MYH15: variants seen among roughly 807,000 people sequenced by gnomAD.
MYH15 encodes the protein myosin heavy chain 15, also known as myosin-15.
A neutral mutation model predicts 240.5 loss-of-function variants in MYH15; 227 were observed. The ratio of observed to expected loss-of-function variants is 0.94; its 90% CI spans 0.85 to 1.05. MYH15 has a LOEUF of 1.05. Among genes scored for constraint, MYH15 ranks in the 50% least tolerant of loss-of-function variants. The pLI is 0.00. For missense variants in MYH15, 2,217 were observed against 2,247.5 expected, an observed-to-expected ratio of 0.99 and a Z score of 0.27; for synonymous variants, 785 against 796.7, an observed-to-expected ratio of 0.99 and a Z score of 0.25.
intron 10 of MYH15, 111 bp downstream of exon 10, chr3:108,486,312 C>A: frequency 1.3e-6 from 1 of 751,556 alleles, no homozygotes; most frequent in Admixed American, 2.5e-5. Context: ...CCCTACACCC[C>A]TACGGAAGCA....
intron 21 of MYH15, among the ~76,000 whole-genome samples, chr3:108,446,221 T>C (rs1172805312): frequency 6.6e-6 from 1 of 152,026 alleles, no homozygotes; most frequent in African/African-American, 2.4e-5. Flanking sequence ...GATCCAGACA[T>C]ACCCTCACTA....
At position 108,473,597 on chromosome 3, in the gene MYH15, C is replaced by G. The variant is rs77535894; in HGVS notation, c.1234-2750G>C. 8.0e-3 allele frequency among the ~76,000 whole-genome samples: 1,214 copies of G among 152,244 alleles called. 22 individuals are homozygous for G. Among genetic ancestry groups the G allele is most frequent in the African/African-American group, 0.028 (1,169 of 41,546 alleles). ...AGCTGTAAAATAGAAATAACAAGACCTACTTCATAGGCTTGTTATTCGATT... is the reference window on the plus strand; with the variant it reads ...AGCTGTAAAATAGAAATAACAAGACGTACTTCATAGGCTTGTTATTCGATT... On this transcript the variant is annotated intron_variant, in intron 12 of 40. Transcript: ENST00000693548.
intron 9 of MYH15, among the ~76,000 whole-genome samples, chr3:108,486,916 G>T (rs960047161): frequency 6.6e-6 from 1 of 152,232 alleles, no homozygotes; most frequent in Non-Finnish European, 1.5e-5. Flanking sequence ...AAAGTATTTT[G>T]TAAAATTATA....
At chr3:108,542,071 C>A in the MYH15 span, among the ~76,000 whole-genome samples, 3 of 152,118 alleles carry the variant, frequency 2.0e-5, no homozygotes, top group East Asian at 5.8e-4. Flanking sequence ...CATGTATCAT[C>A]CTTTTTCTGT....
At chr3:108,464,464 G>T (rs1228737485) in intron 15 of MYH15, among the ~76,000 whole-genome samples, 174 bp downstream of exon 15, 2 of 152,174 alleles carry the variant, frequency 1.3e-5, no homozygotes, top group Admixed American at 6.6e-5. Context: ...GAATGCTATT[G>T]TTCATTTCCT....
At chr3:108,445,167 A>G (rs2082916947) in intron 21 of MYH15, among the ~76,000 whole-genome samples, 1 of 152,258 alleles carries the variant, frequency 6.6e-6, no homozygotes, top group Non-Finnish European at 1.5e-5. Flanking sequence ...AGAGTAAGAC[A>G]TATAGAAGGC....
At position 108,410,842 on chromosome 3, in the gene MYH15, C is replaced by T; in HGVS notation, c.4236G>A (p.Gln1412=). ...GGGCGTCCCCGAGCTCCAGCTGCAG[C>T]TGGTGCCTGGCTCTCTCCAAGGAGG... The part of the protein sequence containing the change: ...RNASLERARH[Q]LQLELGDALS... The change falls in exon 31 of 41, where the codon CAG becomes CAA. Residue 1412 remains glutamine, a synonymous_variant. Transcript: ENST00000693548. The T allele has an allele frequency of 6.2e-7, 1 of 1,614,000 alleles. No individual in the cohort carries two copies. The highest frequency in any genetic ancestry group is 8.5e-7 in the Non-Finnish European group (1 of 1,179,844).
chr3:108,400,688 A>T (rs1037955942), intron 33 of MYH15, among the ~76,000 whole-genome samples: 1 of 152,130 alleles, frequency 6.6e-6, no homozygotes, highest in Non-Finnish European at 1.5e-5. Context: ...ATGTGTCTGT[A>T]GTCCCAGCTA....
the MYH15 span, among the ~76,000 whole-genome samples, chr3:108,548,989 T>C: frequency 6.6e-6 from 1 of 152,102 alleles, no homozygotes. Flanking sequence ...AACAATTTAA[T>C]ATAAACTTTA....
intron 11 of MYH15, among the ~76,000 whole-genome samples, chr3:108,478,024 T>C (rs761271429): frequency 6.6e-6 from 1 of 152,158 alleles, no homozygotes; most frequent in African/African-American, 2.4e-5. Context: ...TGCTAGTATG[T>C]CTGGCATAGT....
At chr3:108,478,795 C>T (rs1182139051) in intron 11 of MYH15, among the ~76,000 whole-genome samples, 4 of 152,026 alleles carry the variant, frequency 2.6e-5, no homozygotes, top group African/African-American at 7.2e-5. Context: ...TTCATATATC[C>T]TTTTTCCAGT....
chr3:108,399,090 A>G lies in MYH15; in HGVS notation c.4914T>C (p.Leu1638=). 1 of 1,613,598 alleles carries G rather than the reference A, an allele frequency of 6.2e-7. No individual in the cohort carries two copies. The highest frequency in any genetic ancestry group is 8.5e-7 in the Non-Finnish European group (1 of 1,179,732). The change falls in exon 34 of 41, where the codon CTT becomes CTC. Residue 1638 remains leucine (L), a synonymous_variant. Transcript: ENST00000693548. ...TTTAAAATACCTTGATTTGAATCTG[A>G]AGCTGGCCCAGGGATTTGGTTGCTT... is the stretch of plus-strand genomic sequence containing the variant. ...VSEATKSLGQ[L]QIQIKDLQMQ...
At chr3:108,422,992 G>A (rs1357027427) in intron 27 of MYH15, among the ~76,000 whole-genome samples, 14 of 152,156 alleles carry the variant, frequency 9.2e-5, no homozygotes, top group Admixed American at 7.2e-4. Context: ...TAAAGATGGG[G>A]TTCTTTGTCC....
chr3:108,384,403 C>T (rs2082365944), intron 39 of MYH15, among the ~76,000 whole-genome samples: 1 of 152,132 alleles, frequency 6.6e-6, no homozygotes, highest in Admixed American at 6.5e-5. Context: ...ACTGGCCTTC[C>T]CTACGTGACA....
At chr3:108,528,971 G>A (rs1214904870) in intron 1 of MYH15, among the ~76,000 whole-genome samples, 2 of 152,146 alleles carry the variant, frequency 1.3e-5, no homozygotes, top group African/African-American at 4.8e-5. Context: ...CATGACCCTT[G>A]GTGTCTGAGA....
chr3:108,391,130 A>G (rs546321388), intron 37 of MYH15, among the ~76,000 whole-genome samples: 1 of 152,322 alleles, frequency 6.6e-6, no homozygotes, highest in African/African-American at 2.4e-5. Flanking sequence ...CTTATTTTTT[A>G]GAGGCCCTTT....
In MYH15 at chr3:108,459,968, C is replaced by T. The variant is rs141374608; in HGVS notation, c.1932+332G>A. Among the ~76,000 whole-genome samples, 140 of 152,166 alleles carry T rather than the reference C, an allele frequency of 9.2e-4. 1 individual carries two copies. The highest frequency in any genetic ancestry group is 2.9e-3 in the African/African-American group (120 of 41,520). Reference sequence around the variant, plus strand: ...CACCAATTGCAGCATAGGTGGTCTCCCTTGAGGCAAGGGAGAGGCTAAAGT... The same window carrying T: ...CACCAATTGCAGCATAGGTGGTCTCTCTTGAGGCAAGGGAGAGGCTAAAGT... On this transcript the variant is annotated intron_variant, in intron 17 of 40. Coordinates refer to ENST00000693548, the MANE Select transcript of MYH15 (RefSeq NM_014981.3).
Position 108,464,700 on chromosome 3 carries a change from T to C in MYH15, c.1669A>G (p.Lys557Glu). ...NHFGKSVHLQ[K>E]PKPDKKKFEA... ...AATTTCTTCTTATCAGGCTTGGGCT[T>C]CTGGAGATGAACCGACTTTCCAAAA... Residue 557 changes from lysine (K) to glutamate (E), a missense_variant, in exon 15 of 41, where the codon AAG (lysine) becomes GAG (glutamate). Transcript: ENST00000693548. 6.2e-7 allele frequency: 1 copy of C among 1,613,966 alleles called. No individual in the cohort carries two copies.
Position 108,383,738 on chromosome 3 carries a change from A to AT in MYH15, c.5632-10dup, listed in dbSNP as rs1553761693. The AT allele has an allele frequency of 2.6e-5, 33 of 1,291,078 alleles. No individual in the cohort carries two copies. The highest frequency in any genetic ancestry group is 5.8e-5 in the South Asian group (4 of 68,762). The allele number at this position is 1,291,078 out of a possible 1,614,324, so 80.0% of individuals were successfully genotyped here. On this transcript the variant is annotated splice_polypyrimidine_tract_variant and intron_variant, in intron 39 of 40. Transcript: ENST00000693548. ...TGATTGGCTTGTGTTTCCTATAAAA[A>AT]TAAAAAAAAAAAAAAAGAAATCTCC...
Sources: gnomAD v4.1 joint callset for allele counts (sites outside exome capture counted in the v4.1 genomes callset) on GRCh38, gnomAD v4.1.1 for gene constraint, MANE v1.5 for transcripts, NCBI Gene and HGNC (gene_info 2026-07-23, HGNC 2026-07-21) for gene names.